The following CDH13 variants were observed in gnomAD, a reference collection of about 807,000 sequenced individuals.
CDH13 encodes the protein cadherin 13.
In CDH13, 24 loss-of-function variants were observed where a neutral mutation model predicts 63.8. The ratio of observed to expected loss-of-function variants is 0.38; its 90% confidence interval spans 0.27 to 0.53. The LOEUF (loss-of-function observed/expected upper bound fraction) is 0.53. CDH13 is among the 20% of genes least tolerant of loss of function. CDH13 has a pLI of 0.85. For missense variants in CDH13, 1,049 were observed against 903.1 expected, an observed-to-expected ratio of 1.16 and a Z score of -2.07; for synonymous variants, 503 against 355.3, an observed-to-expected ratio of 1.42 and a Z score of -4.67.
At chr16:83,172,058 T>TTA (rs1275307596) in intron 4 of CDH13, among the ~76,000 whole-genome samples, 1 of 152,112 alleles carries the variant, frequency 6.6e-6, no homozygotes, top group Non-Finnish European at 1.5e-5. Context: ...GAGTGTGACC[T>TTA]TACTTGGACA....
intron 7 of CDH13, among the ~76,000 whole-genome samples, chr16:83,503,932 A>G (rs1030156360): frequency 2.1e-5 from 3 of 143,488 alleles, no homozygotes; most frequent in Admixed American, 7.1e-5. Context: ...TTTTGTTGCA[A>G]TTGCTTTTGG....
intron 1 of CDH13, among the ~76,000 whole-genome samples, chr16:82,737,656 T>C (rs1185905633): frequency 1.3e-5 from 2 of 152,236 alleles, no homozygotes; most frequent in Non-Finnish European, 2.9e-5. Flanking sequence ...TTTTGACTGA[T>C]GACCCCAGAC....
At chr16:83,583,394 G>T (rs1327076265) in intron 7 of CDH13, among the ~76,000 whole-genome samples, 1 of 152,180 alleles carries the variant, frequency 6.6e-6, no homozygotes, top group Non-Finnish European at 1.5e-5. Context: ...TCACTTTGAG[G>T]AGCTATCATT....
At chr16:82,913,893 A>G (rs1193146080) in intron 2 of CDH13, among the ~76,000 whole-genome samples, 3 of 152,128 alleles carry the variant, frequency 2.0e-5, no homozygotes, top group Admixed American at 2.0e-4. Flanking sequence ...CCTTAAGGAG[A>G]CTGCTGAGAA....
intron 1 of CDH13, among the ~76,000 whole-genome samples, chr16:82,661,309 C>G (rs1035642868): frequency 2.6e-5 from 4 of 152,216 alleles, no homozygotes; most frequent in Non-Finnish European, 4.4e-5. Flanking sequence ...GAAGTACAGC[C>G]AAACCCTATT....
At chr16:83,569,386 A>G (rs1289710749) in intron 7 of CDH13, among the ~76,000 whole-genome samples, 1 of 152,206 alleles carries the variant, frequency 6.6e-6, no homozygotes, top group East Asian at 1.9e-4. Context: ...GCTATCTCTG[A>G]CAAAATAGTG....
intron 4 of CDH13, among the ~76,000 whole-genome samples, chr16:83,201,816 C>T (rs1334366006): frequency 6.6e-6 from 1 of 151,836 alleles, no homozygotes; most frequent in Non-Finnish European, 1.5e-5. Flanking sequence ...ACTTGGGAGG[C>T]TGAGACAAGA....
In CDH13 at chr16:83,125,544, A is replaced by G. The variant is rs189820472; in HGVS notation, c.483+43A>G. 4.7e-4 allele frequency: 499 copies of G among 1,054,424 alleles called. 2 individuals are homozygous for G. The African/African-American group carries it at 7.1e-3, about 15-fold the overall frequency. The allele number at this position is 1,054,424 out of a possible 1,614,324, so 65.3% of individuals were successfully genotyped here. A position where few individuals can be genotyped will look rare whatever the true frequency, so the allele number is the denominator to read the frequency against. The stretch of plus-strand genomic sequence containing the variant: ...CAAATGACAAAAACATGTTTTTATG[A>G]AAAGATGAGCACAGCAGACTGAGTA... On this transcript the variant is annotated intron_variant, in intron 4 of 13. Coordinates refer to ENST00000567109, the MANE Select transcript of CDH13 (RefSeq NM_001257.5).
chr16:83,524,150 C>T (rs1172321980), intron 7 of CDH13, among the ~76,000 whole-genome samples: 3 of 152,132 alleles, frequency 2.0e-5, no homozygotes, highest in Non-Finnish European at 4.4e-5. Context: ...GATTTGTTTC[C>T]ACAGATAAGC....
intron 7 of CDH13, among the ~76,000 whole-genome samples, chr16:83,495,482 G>C (rs2130155): frequency 0.59 from 90,333 of 151,946 alleles, 27,478 homozygotes; most frequent in East Asian, 0.84. Context: ...AATGTTTCTT[G>C]TCAGACTTTA....
At chr16:83,027,524 A>G (rs1385859681) in intron 2 of CDH13, among the ~76,000 whole-genome samples, 1 of 152,160 alleles carries the variant, frequency 6.6e-6, no homozygotes. Flanking sequence ...GGTGTGAGCT[A>G]TGCAGTGAAG....
intron 8 of CDH13, among the ~76,000 whole-genome samples, chr16:83,609,239 A>G (rs1750124035): frequency 6.7e-6 from 1 of 149,984 alleles, no homozygotes; most frequent in African/African-American, 2.4e-5. Context: ...ACATTATGAG[A>G]TTTTTTTTTT....
At chr16:83,248,877 A>G (rs542675571) in intron 5 of CDH13, among the ~76,000 whole-genome samples, 1 of 152,244 alleles carries the variant, frequency 6.6e-6, no homozygotes, top group South Asian at 2.1e-4. Context: ...ATCATCCTCA[A>G]ATGTGATGTG....
At chr16:83,230,773 G>A (rs941431093) in intron 5 of CDH13, among the ~76,000 whole-genome samples, 6 of 152,300 alleles carry the variant, frequency 3.9e-5, no homozygotes, top group South Asian at 2.1e-4. Flanking sequence ...GTGACAGAGC[G>A]AGACTCTGTC....
rs572050723 is a variant in CDH13, at chr16:82,682,931, C to T, written c.45+55794C>T. On this transcript the variant is annotated intron_variant, in intron 1 of 13. Coordinates refer to ENST00000567109, the MANE Select transcript of CDH13 (RefSeq NM_001257.5). ...GCCATTGCCCACAGTTCAGGCTGGTCCTAAGAATGCCTGGGCCCTAGGAAC... is the reference window on the plus strand; with the variant it reads ...GCCATTGCCCACAGTTCAGGCTGGTTCTAAGAATGCCTGGGCCCTAGGAAC... Among the ~76,000 whole-genome samples the T allele has an allele frequency of 6.2e-4, 94 of 152,270 alleles. 2 individuals carry two copies. In the South Asian group the frequency reaches 0.019, roughly 31 times the overall value.
intron 2 of CDH13, among the ~76,000 whole-genome samples, chr16:82,984,617 T>C (rs1052439881): frequency 6.6e-6 from 1 of 152,174 alleles, no homozygotes; most frequent in African/African-American, 2.4e-5. Context: ...AGCTCATTTG[T>C]TTGTAGCAAC....
At chr16:83,011,600 A>C (rs1914162074) in intron 2 of CDH13, among the ~76,000 whole-genome samples, 1 of 152,172 alleles carries the variant, frequency 6.6e-6, no homozygotes, top group African/African-American at 2.4e-5. Flanking sequence ...CAGGTTGCAC[A>C]AGAAACATGC....
At chr16:83,145,659 T>A (rs1336376907) in intron 4 of CDH13, among the ~76,000 whole-genome samples, 2 of 152,226 alleles carry the variant, frequency 1.3e-5, no homozygotes, top group African/African-American at 4.8e-5. Flanking sequence ...GAAGGAATTA[T>A]TCCAGACCTC....
chr16:83,406,653 A>T (rs1465939733), intron 6 of CDH13, among the ~76,000 whole-genome samples: 1 of 152,076 alleles, frequency 6.6e-6, no homozygotes, highest in Non-Finnish European at 1.5e-5. Context: ...TTTAGTAGAG[A>T]TGGGGTTTCA....
Sources: allele counts gnomAD v4.1 joint callset (sites outside exome capture counted in the v4.1 genomes callset), GRCh38; gene constraint gnomAD v4.1.1; transcripts MANE v1.5; gene names NCBI Gene and HGNC (gene_info 2026-07-23, HGNC 2026-07-21).